The following SH3GL2 variants were observed in gnomAD, a reference collection of about 807,000 sequenced individuals.
The protein encoded by SH3GL2 is SH3 domain containing GRB2 like 2, endophilin A1.
In SH3GL2, 24 loss-of-function variants were observed where a neutral mutation model predicts 46.0. The observed-to-expected ratio is 0.52, with a 90% CI of 0.38 to 0.73. The LOEUF (loss-of-function observed/expected upper bound fraction) is 0.73, where lower values mean the gene tolerates loss of function less well. Ranked by LOEUF, SH3GL2 falls within the 30% of genes least tolerant of loss-of-function variation. SH3GL2 has a pLI of 0.00. For missense variants in SH3GL2, 413 were observed against 424.2 expected, an observed-to-expected ratio of 0.97 and a Z score of 0.23; for synonymous variants, 196 against 147.1, an observed-to-expected ratio of 1.33 and a Z score of -2.40.
At chr9:17,729,484 T>G (rs1822114986) in intron 1 of SH3GL2, among the ~76,000 whole-genome samples, 1 of 152,226 alleles carries the variant, frequency 6.6e-6, no homozygotes, top group Admixed American at 6.5e-5. Context: ...ATTTGTCAAT[T>G]TTGGCTTTTG....
chr9:17,757,129 G>C (rs1001230582), intron 2 of SH3GL2, among the ~76,000 whole-genome samples: 2 of 152,164 alleles, frequency 1.3e-5, no homozygotes, highest in African/African-American at 2.4e-5. Flanking sequence ...GTCTTCTTTT[G>C]AGAAGTGTCT....
At chr9:17,665,910 A>G (rs1440576237) in intron 1 of SH3GL2, among the ~76,000 whole-genome samples, 1 of 148,506 alleles carries the variant, frequency 6.7e-6, no homozygotes, top group Non-Finnish European at 1.5e-5. Context: ...TATCCATGAA[A>G]AACCATGACT....
At chr9:17,622,465 G>A (rs969480568) in intron 1 of SH3GL2, among the ~76,000 whole-genome samples, 2 of 152,170 alleles carry the variant, frequency 1.3e-5, no homozygotes, top group Admixed American at 6.5e-5. Flanking sequence ...AAGGACACTA[G>A]AATTGGGTGT....
chr9:17,704,792 A>T (rs1821428219), intron 1 of SH3GL2, among the ~76,000 whole-genome samples: 1 of 152,152 alleles, frequency 6.6e-6, no homozygotes, highest in East Asian at 1.9e-4. Context: ...CACCAGATGG[A>T]TTAAAGACTT....
At chr9:17,614,199 A>G (rs1251971889) in intron 1 of SH3GL2, among the ~76,000 whole-genome samples, 1 of 150,152 alleles carries the variant, frequency 6.7e-6, no homozygotes, top group Non-Finnish European at 1.5e-5. Flanking sequence ...CATTCTCAGT[A>G]AATCACCAGC....
chr9:17,714,197 G>A (rs1821695270), intron 1 of SH3GL2, among the ~76,000 whole-genome samples: 2 of 151,612 alleles, frequency 1.3e-5, no homozygotes, highest in Non-Finnish European at 3.0e-5. Flanking sequence ...GTTACTGTGT[G>A]TGTCTTTTTC....
At chr9:17,791,618 T>A (rs1317285339) in intron 7 of SH3GL2, among the ~76,000 whole-genome samples, 1 of 152,234 alleles carries the variant, frequency 6.6e-6, no homozygotes, top group Non-Finnish European at 1.5e-5. Flanking sequence ...GGATGCCATT[T>A]GCTGAGCAGT....
chr9:17,733,648 C>T (rs889559679), intron 1 of SH3GL2, among the ~76,000 whole-genome samples: 3 of 151,420 alleles, frequency 2.0e-5, no homozygotes, highest in Admixed American at 6.6e-5. Context: ...ATAAATCATG[C>T]TGTTATAAAG....
chr9:17,729,622 T>C (rs1371498960), intron 1 of SH3GL2, among the ~76,000 whole-genome samples: 1 of 152,258 alleles, frequency 6.6e-6, no homozygotes, highest in Non-Finnish European at 1.5e-5. Context: ...TAATCCATCT[T>C]GAATTAATTT....
chr9:17,731,376 A>T (rs7874127), intron 1 of SH3GL2, among the ~76,000 whole-genome samples: 36,412 of 141,228 alleles, frequency 0.26, 4,784 homozygotes, highest in African/African-American at 0.39. Context: ...TGTGCCCTTA[A>T]AAGAAGAGGA....
intron 1 of SH3GL2, among the ~76,000 whole-genome samples, chr9:17,693,503 T>A (rs1374884646): frequency 1.3e-5 from 2 of 152,184 alleles, no homozygotes; most frequent in Non-Finnish European, 2.9e-5. Context: ...AGGGATAGAA[T>A]GTTTTTGTTT....
At chr9:17,753,116 C>T (rs1218563602) in intron 2 of SH3GL2, among the ~76,000 whole-genome samples, 1 of 152,164 alleles carries the variant, frequency 6.6e-6, no homozygotes, top group Non-Finnish European at 1.5e-5. Flanking sequence ...CACTGATGGG[C>T]ATTTGGGTTG....
intron 1 of SH3GL2, among the ~76,000 whole-genome samples, chr9:17,645,371 A>G (rs1819789535): frequency 1.3e-5 from 2 of 152,028 alleles, no homozygotes; most frequent in Admixed American, 1.3e-4. Flanking sequence ...TCCCATTTAC[A>G]TTTAAGGTTA....
chr9:17,712,209 A>G (rs1017008148), intron 1 of SH3GL2, among the ~76,000 whole-genome samples: 2 of 151,974 alleles, frequency 1.3e-5, no homozygotes, highest in South Asian at 4.1e-4. Flanking sequence ...TACTGTGGAT[A>G]CAAATTCTTT....
At chr9:17,794,816 A>T (rs916580112) in intron 8 of SH3GL2, among the ~76,000 whole-genome samples, 1 of 152,208 alleles carries the variant, frequency 6.6e-6, no homozygotes, top group Non-Finnish European at 1.5e-5. Context: ...ATATTTATGT[A>T]TGCAACAGTT....
intron 1 of SH3GL2, chr9:17,630,359 C>CA (rs1174373603): frequency 2.0e-5 from 3 of 152,038 alleles, no homozygotes; most frequent in African/African-American, 4.8e-5. Flanking sequence ...AACAGTCTTC[C>CA]AAAAAACAGT....
At position 17,761,436 on chromosome 9, in the gene SH3GL2, G is replaced by A. The variant is rs866686776; in HGVS notation, c.115-1G>A. The A allele has an allele frequency of 1.9e-6, 3 of 1,595,846 alleles. No individual in the cohort carries two copies. The highest frequency in any genetic ancestry group is 2.6e-6 in the Non-Finnish European group (3 of 1,163,398). Reference sequence around the variant, plus strand: ...TTAGAGCACTTATTTTCTCATTTCAGAAAGTGGATGTCACCAGCAGGGCTG... The same window carrying A: ...TTAGAGCACTTATTTTCTCATTTCAAAAAGTGGATGTCACCAGCAGGGCTG... On this transcript the variant is annotated splice_acceptor_variant, in intron 2 of 8. Coordinates refer to ENST00000380607, the MANE Select transcript of SH3GL2 (RefSeq NM_003026.5). LOFTEE classifies it high-confidence loss of function.
chr9:17,595,281 G>A (rs529514687), intron 1 of SH3GL2, among the ~76,000 whole-genome samples: 14 of 151,954 alleles, frequency 9.2e-5, no homozygotes, highest in Admixed American at 3.3e-4. Context: ...AAGAAGACGC[G>A]AACACTTTAG....
intron 3 of SH3GL2, among the ~76,000 whole-genome samples, chr9:17,763,547 A>G (rs1222991594): frequency 6.6e-6 from 1 of 152,164 alleles, no homozygotes; most frequent in Non-Finnish European, 1.5e-5. Context: ...CACCACCACA[A>G]GCTGGAAGAC....
Sources: gnomAD v4.1 joint callset for allele counts (sites outside exome capture counted in the v4.1 genomes callset) on GRCh38, gnomAD v4.1.1 for gene constraint, MANE v1.5 for transcripts, NCBI Gene and HGNC (gene_info 2026-07-23, HGNC 2026-07-21) for gene names.